The following PGM5 variants were observed in gnomAD, a reference collection of about 807,000 sequenced individuals.
PGM5 encodes phosphoglucomutase 5.
A neutral mutation model predicts 59.2 loss-of-function variants in PGM5; 23 were observed. That is an observed-to-expected ratio of 0.39 (90% CI 0.28 to 0.55). PGM5 has a LOEUF of 0.55. Ranked by LOEUF, PGM5 falls within the 20% of genes least tolerant of loss-of-function variation. The pLI, the probability that PGM5 is intolerant of heterozygous loss-of-function variation, is 0.66. For synonymous variants in PGM5, 214 were observed against 286.0 expected, an observed-to-expected ratio of 0.75 and a Z score of 2.54; for missense variants, 574 against 748.3, an observed-to-expected ratio of 0.77 and a Z score of 2.72.
chr9:68,439,580 A>T (rs535301382), intron 6 of PGM5, among the ~76,000 whole-genome samples: 219 of 148,208 alleles, frequency 1.5e-3, no homozygotes, highest in South Asian at 2.5e-3. Context: ...GCTACAGATT[A>T]CCCACAACAG....
intron 6 of PGM5, chr9:68,428,913 A>G (rs1166104130): frequency 6.6e-6 from 1 of 152,214 alleles, no homozygotes; most frequent in Non-Finnish European, 1.5e-5. Flanking sequence ...TGGGGAGGTG[A>G]TATCAATTAT....
At chr9:68,393,716 G>C (rs1307821673) in intron 6 of PGM5, among the ~76,000 whole-genome samples, 62 of 152,204 alleles carry the variant, frequency 4.1e-4, no homozygotes, top group Middle Eastern at 6.8e-3. Context: ...CAGTTTGGCA[G>C]TTTCTTGTAA....
chr9:68,493,553 A>G (rs1226947638), intron 9 of PGM5, among the ~76,000 whole-genome samples: 3 of 152,324 alleles, frequency 2.0e-5, no homozygotes, highest in South Asian at 4.1e-4. Context: ...TTTCTTTTCA[A>G]TAAAAAGAGA....
intron 1 of PGM5, among the ~76,000 whole-genome samples, chr9:68,362,487 T>C (rs1403868498): frequency 6.6e-6 from 1 of 152,232 alleles, no homozygotes; most frequent in African/African-American, 2.4e-5. Flanking sequence ...TTTAAAGATA[T>C]AAACTATGTC....
intron 10 of PGM5, among the ~76,000 whole-genome samples, chr9:68,511,650 A>G (rs1824753187): frequency 7.0e-6 from 1 of 143,282 alleles, no homozygotes. Flanking sequence ...TCCCAGGTTC[A>G]AGCAATTCTC....
intron 9 of PGM5, among the ~76,000 whole-genome samples, chr9:68,485,405 G>A (rs1824278576): frequency 6.6e-6 from 1 of 152,142 alleles, no homozygotes; most frequent in South Asian, 2.1e-4. Flanking sequence ...CAGGTGGGAG[G>A]TAATTGAATC....
At chr9:68,433,174 C>T (rs1298387750) in intron 6 of PGM5, among the ~76,000 whole-genome samples, 3 of 152,148 alleles carry the variant, frequency 2.0e-5, no homozygotes, top group South Asian at 2.1e-4. Flanking sequence ...CCCGTCTTCC[C>T]CAAAGTTAAA....
At chr9:68,501,775 A>G (rs1340794655) in intron 10 of PGM5, among the ~76,000 whole-genome samples, 1 of 152,244 alleles carries the variant, frequency 6.6e-6, no homozygotes, top group African/African-American at 2.4e-5. Context: ...AAGAGAACAG[A>G]GAGTTCCCTT....
intron 6 of PGM5, among the ~76,000 whole-genome samples, chr9:68,439,568 C>T (rs1554683558): frequency 6.8e-6 from 1 of 147,664 alleles, no homozygotes; most frequent in African/African-American, 2.5e-5. Flanking sequence ...GATGATCAAA[C>T]AGCTACAGAT....
At chr9:68,525,449 G>A (rs1013183145) in intron 10 of PGM5, among the ~76,000 whole-genome samples, 15 of 152,154 alleles carry the variant, frequency 9.9e-5, no homozygotes, top group African/African-American at 2.9e-4. Flanking sequence ...TTCCATGGTG[G>A]CCCCATAGGA....
At chr9:68,498,021 C>G (rs2132103990) in intron 9 of PGM5, 1 of 152,204 alleles carries the variant, frequency 6.6e-6, no homozygotes, top group African/African-American at 2.4e-5. Flanking sequence ...GGTGGTCAGG[C>G]CAAAAAAGAA....
At chr9:68,450,304 T>C (rs569825458) in intron 6 of PGM5, among the ~76,000 whole-genome samples, 69 of 152,324 alleles carry the variant, frequency 4.5e-4, no homozygotes, top group South Asian at 8.3e-4. Context: ...TTTTAAGTAC[T>C]GACACCTGGG....
intron 9 of PGM5, among the ~76,000 whole-genome samples, chr9:68,494,360 C>A (rs1469694200): frequency 6.6e-6 from 1 of 152,166 alleles, no homozygotes; most frequent in Non-Finnish European, 1.5e-5. Context: ...CCTACAGTCC[C>A]AGCCCAGTGA....
chr9:68,376,705 G>A (rs1821895651), intron 1 of PGM5, among the ~76,000 whole-genome samples: 1 of 152,022 alleles, frequency 6.6e-6, no homozygotes, highest in Admixed American at 6.6e-5. Context: ...AGAGAGGAGA[G>A]GATCTTATTA....
chr9:68,371,540 A>G (rs1821730711), intron 1 of PGM5: 1 of 152,184 alleles, frequency 6.6e-6, no homozygotes, highest in African/African-American at 2.4e-5. Context: ...GGTTAATTTA[A>G]CAAAGAGTTT....
At chr9:68,430,022 C>A (rs1256691691) in intron 6 of PGM5, among the ~76,000 whole-genome samples, 1 of 152,160 alleles carries the variant, frequency 6.6e-6, no homozygotes, top group Admixed American at 6.5e-5. Context: ...TTTATTTTCT[C>A]AACATCTTTG....
rs1339214624 is a variant in PGM5 at position 68,356,723 on chromosome 9, G to T, written c.-405G>T. ...TGGCGGAGGGTGTGCCCCGGAGGGC[G>T]GCGATCGCGGGTGAAGGCTGGGGCC... On this transcript the variant is annotated 5_prime_UTR_variant, in exon 1 of 11. Transcript: ENST00000396396. Among the ~76,000 whole-genome samples, 3 of 152,238 alleles carry T rather than the reference G, an allele frequency of 2.0e-5. No homozygotes were observed. The highest frequency in any genetic ancestry group is 6.5e-5 in the Admixed American group (1 of 15,282).
chr9:68,409,872 TAAAA>T (rs200990186), intron 6 of PGM5, among the ~76,000 whole-genome samples: 2 of 137,482 alleles, frequency 1.5e-5, no homozygotes, highest in Non-Finnish European at 1.6e-5. Context: ...ACTTAAAGTA[TAAAA>T]AAAAAAAAAA....
chr9:68,510,906 G>T (rs1438817311), intron 10 of PGM5, among the ~76,000 whole-genome samples: 1 of 152,238 alleles, frequency 6.6e-6, no homozygotes, highest in Non-Finnish European at 1.5e-5. Flanking sequence ...TTGGCAATTG[G>T]TTGAAAAATC....
Sources: gnomAD v4.1 joint callset for allele counts (sites outside exome capture counted in the v4.1 genomes callset) on GRCh38, gnomAD v4.1.1 for gene constraint, MANE v1.5 for transcripts, NCBI Gene and HGNC (gene_info 2026-07-23, HGNC 2026-07-21) for gene names.